The following ANO2 variants were observed in gnomAD, a reference collection of about 807,000 sequenced individuals.
ANO2 encodes anoctamin-2.
ANO2 carries 101 observed loss-of-function variants against 124.2 expected under a neutral mutation model. That is an observed-to-expected ratio of 0.81 (90% confidence interval 0.69 to 0.96). The LOEUF (loss-of-function observed/expected upper bound fraction) is 0.96. Among genes scored for constraint, ANO2 ranks in the 40% least tolerant of loss-of-function variants. ANO2 has a pLI of 0.00. For missense variants in ANO2, 1,293 were observed against 1,274.5 expected, an observed-to-expected ratio of 1.01 and a Z score of -0.22; for synonymous variants, 486 against 482.5, an observed-to-expected ratio of 1.01 and a Z score of -0.09.
chr12:5,693,116 G>A (rs1299601337), intron 14 of ANO2, among the ~76,000 whole-genome samples: 1 of 152,030 alleles, frequency 6.6e-6, no homozygotes, highest in Non-Finnish European at 1.5e-5. Flanking sequence ...TTCTTTATCT[G>A]CATCTACCCA....
At chr12:5,867,101 C>A (rs963395361) in intron 3 of ANO2, among the ~76,000 whole-genome samples, 1 of 152,194 alleles carries the variant, frequency 6.6e-6, no homozygotes, top group African/African-American at 2.4e-5. Flanking sequence ...CAGGCTCTGG[C>A]CTTCCTTCTA....
At chr12:5,844,950 G>T (rs1342892707) in intron 4 of ANO2, among the ~76,000 whole-genome samples, 2 of 90,774 alleles carry the variant, frequency 2.2e-5, no homozygotes, top group Non-Finnish European at 4.3e-5. Context: ...GTTCAACCAT[G>T]AAATTTTTTT....
At chr12:5,584,336 G>A (rs920211967) in intron 20 of ANO2, among the ~76,000 whole-genome samples, 2 of 152,178 alleles carry the variant, frequency 1.3e-5, no homozygotes, top group African/African-American at 4.8e-5. Flanking sequence ...TTTGGAGCAA[G>A]AGCTTGTGAG....
intron 19 of ANO2, among the ~76,000 whole-genome samples, chr12:5,610,983 T>TTTTTTTTTTCTTTTTTTTTTG (rs1555100751): frequency 6.1e-4 from 74 of 121,708 alleles, no homozygotes; most frequent in Non-Finnish European, 1.0e-3. Flanking sequence ...TTTTTTTTTT[T>TTTTTTTTTTCTTTTTTTTTTG]TTTTTTGAGA....
chr12:5,854,215 T>C (rs564214517), intron 3 of ANO2, 74 bp from the exon 4 acceptor site: 1 of 1,365,818 alleles, frequency 7.3e-7, no homozygotes, highest in Non-Finnish European at 1.0e-6. Context: ...CTTCAACTGT[T>C]CCACACAAGG....
rs760376333 is a variant in ANO2 at position 5,807,317 on chromosome 12, T to C, written c.944A>G (p.His315Arg). Residue 315 changes from histidine (H) to arginine (R), a missense_variant, in exon 8 of 25, where the codon CAT becomes CGT. Transcript: ENST00000682330. ...NNIYEAAYPL[H>R]DGEYDSPEDD... ...GCTGATGAAAATAGTACTTACGTCA[T>C]GAAGAGGGTAGGCAGCCTCATAGAT... 2.6e-6 allele frequency: 4 copies of C among 1,553,658 alleles called. No homozygotes were observed. The highest frequency in any genetic ancestry group is 3.5e-6 in the Non-Finnish European group (4 of 1,148,344).
chr12:5,663,499 C>T (rs1049595438), intron 14 of ANO2, among the ~76,000 whole-genome samples: 1 of 152,130 alleles, frequency 6.6e-6, no homozygotes, highest in Admixed American at 6.5e-5. Flanking sequence ...GGAGAGCAGA[C>T]TGAATGAACT....
intron 23 of ANO2, among the ~76,000 whole-genome samples, chr12:5,568,682 G>A (rs1242877866): frequency 6.6e-6 from 1 of 152,190 alleles, no homozygotes; most frequent in Non-Finnish European, 1.5e-5. Context: ...ACCAAAGAGA[G>A]TGGCTAATCA....
At position 5,908,896 on chromosome 12, in the gene ANO2, C is replaced by G. The variant is rs963130102; in HGVS notation, c.534+12144G>C. Among the ~76,000 whole-genome samples, 2 of 152,168 alleles carry G rather than the reference C, an allele frequency of 1.3e-5. No individual in the cohort carries two copies. The highest frequency in any genetic ancestry group is 1.5e-5 in the Non-Finnish European group (1 of 68,032). ...ATTGGTGCCTGAATGTAAACAGGAG[C>G]ATTATCTCCTCTGGAGAATGGCCTT... On this transcript the variant is annotated intron_variant, in intron 3 of 24. Transcript: ENST00000682330. This position sits in a 1 kb window ranked among gnomAD's most constrained non-coding sequence, Gnocchi z 4.7.
chr12:5,587,459 C>T (rs1456004005), intron 20 of ANO2, among the ~76,000 whole-genome samples: 1 of 152,176 alleles, frequency 6.6e-6, no homozygotes, highest in African/African-American at 2.4e-5. Context: ...GCTTGCAGCT[C>T]TTAAAGCAAA....
At chr12:5,600,561 A>T (rs191375789) in intron 19 of ANO2, among the ~76,000 whole-genome samples, 26 of 152,384 alleles carry the variant, frequency 1.7e-4, no homozygotes, top group Admixed American at 1.6e-3. Flanking sequence ...ATCTGGACAC[A>T]GTAAGCATTG....
chr12:5,913,243 G>T (rs960005124), intron 3 of ANO2, among the ~76,000 whole-genome samples: 4 of 152,208 alleles, frequency 2.6e-5, no homozygotes, highest in Non-Finnish European at 5.9e-5. Flanking sequence ...AGAATTATAA[G>T]AGGAGAACTG....
chr12:5,782,381 A>T (rs1952425561), intron 10 of ANO2, among the ~76,000 whole-genome samples: 1 of 152,118 alleles, frequency 6.6e-6, no homozygotes, highest in Non-Finnish European at 1.5e-5. Context: ...ATTTTTATTA[A>T]ATCTGGCAAT....
At chr12:5,865,786 C>A (rs1340389625) in intron 3 of ANO2, among the ~76,000 whole-genome samples, 1 of 152,144 alleles carries the variant, frequency 6.6e-6, no homozygotes, top group Non-Finnish European at 1.5e-5. Context: ...ATCATGCATT[C>A]ACACAATCAT....
chr12:5,639,190 G>A (rs1946203209), intron 15 of ANO2, among the ~76,000 whole-genome samples: 1 of 152,234 alleles, frequency 6.6e-6, no homozygotes, highest in Admixed American at 6.5e-5. Flanking sequence ...CAATGCACAA[G>A]GCACAAGTAA....
chr12:5,684,479 C>T (rs1475965058), intron 14 of ANO2, among the ~76,000 whole-genome samples: 1 of 152,190 alleles, frequency 6.6e-6, no homozygotes, highest in Non-Finnish European at 1.5e-5. Flanking sequence ...TCTCTGGGGG[C>T]AGTGGGAGGA....
chr12:5,599,823 G>A lies in ANO2; in HGVS notation c.2088-194C>T, dbSNP rs74056032. Among the ~76,000 whole-genome samples the A allele has an allele frequency of 4.7e-3, 712 of 152,258 alleles. 5 individuals carry two copies. The highest frequency in any genetic ancestry group is 0.015 in the African/African-American group (625 of 41,552). ...CCTGAGGAAGTCCTTTATAAAGATC[G>A]TGCAGACTCCCTCCACAAAGGATGA... On this transcript the variant is annotated intron_variant, in intron 19 of 24. Transcript: ENST00000682330.
At position 5,862,715 on chromosome 12, in the gene ANO2, T is replaced by A. The variant is rs1955309121; in HGVS notation, c.535-8574A>T. On this transcript the variant is annotated intron_variant, in intron 3 of 24. Transcript: ENST00000682330. This position sits in a 1 kb window ranked among gnomAD's most constrained non-coding sequence, Gnocchi z 4.0. ...GGAGGTAACTGAATCATGGGGGCGG[T>A]TTCCCCCATACTGTTCTCGTGGTAG... Among the ~76,000 whole-genome samples, 2 of 151,964 alleles carry A rather than the reference T, an allele frequency of 1.3e-5. No individual in the cohort carries two copies. Among genetic ancestry groups the A allele is most frequent in the African/African-American group, 4.8e-5 (2 of 41,374 alleles).
intron 15 of ANO2, among the ~76,000 whole-genome samples, chr12:5,646,887 A>G (rs1946665542): frequency 6.6e-6 from 1 of 151,648 alleles, no homozygotes. Context: ...GGCAAAAATA[A>G]TGGTAGTGGT....
Sources: allele counts gnomAD v4.1 joint callset (sites outside exome capture counted in the v4.1 genomes callset), GRCh38; gene constraint gnomAD v4.1.1; non-coding constraint Gnocchi (gnomAD v3.1); transcripts MANE v1.5; gene names NCBI Gene and HGNC (gene_info 2026-07-23, HGNC 2026-07-21).